The following RANBP17 variants were observed in gnomAD, a reference collection of about 807,000 sequenced individuals.
RANBP17 encodes the protein RAN binding protein 17, also known as ran-binding protein 17.
In RANBP17, 158 loss-of-function variants were observed where a neutral mutation model predicts 141.2. The ratio of observed to expected loss-of-function variants is 1.12; its 90% CI spans 0.98 to 1.28. The LOEUF is 1.28. RANBP17 is among the 50% of genes most tolerant of loss of function. The pLI is 0.00. For synonymous variants in RANBP17, 430 were observed against 450.0 expected (o/e 0.96, Z 0.56); for missense variants, 1,438 against 1,290.7 (o/e 1.11, Z -1.75).
chr5:171,059,188 TTTGCTTTTGTTGCCA>T lies in RANBP17; in HGVS notation c.1710+90821_1710+90835del, dbSNP rs1783627262. Among the ~76,000 whole-genome samples, 6 of 152,264 alleles carry T rather than the reference TTTGCTTTTGTTGCCA, an allele frequency of 3.9e-5. No individual in the cohort carries two copies. The South Asian group carries it at 1.2e-3, about 32-fold the overall frequency. ...TTTAATTAGATCCCATTTGTCAATT[TTTGCTTTTGTTGCCA>T]TTGCTTTTGGTGTTTTAGACATGAA... is the stretch of plus-strand genomic sequence containing the variant. On this transcript the variant is annotated intron_variant, in intron 14 of 27. Coordinates refer to ENST00000523189, the MANE Select transcript of RANBP17 (RefSeq NM_022897.5).
intron 25 of RANBP17, 21 bp downstream of exon 25, chr5:171,265,868 TG>T (rs747449165): frequency 2.5e-6 from 4 of 1,606,948 alleles, no homozygotes; most frequent in African/African-American, 1.3e-5. Flanking sequence ...GTTGATCACC[TG>T]GCTTAAGAAA....
At position 171,240,669 on chromosome 5, in the gene RANBP17, A is replaced by G. The variant is rs1317263902; in HGVS notation, c.2423-259A>G. ...TGAAATTTTACATATCTATGTATAC[A>G]TCTGTGTAATCACCATGCAGATAAA... On this transcript the variant is annotated intron_variant, in intron 22 of 27. Transcript: ENST00000523189. Among the ~76,000 whole-genome samples, 4 of 152,320 alleles carry G rather than the reference A, an allele frequency of 2.6e-5. No individual in the cohort carries two copies. The South Asian group carries it at 6.2e-4, about 24-fold the overall frequency.
chr5:171,051,487 A>G (rs1782948978), intron 14 of RANBP17, among the ~76,000 whole-genome samples: 1 of 152,160 alleles, frequency 6.6e-6, no homozygotes, highest in South Asian at 2.1e-4. Flanking sequence ...AAATCATACA[A>G]TATTTGAGCT....
At chr5:171,120,840 C>G (rs1426932208) in intron 14 of RANBP17, among the ~76,000 whole-genome samples, 1 of 152,132 alleles carries the variant, frequency 6.6e-6, no homozygotes, top group Non-Finnish European at 1.5e-5. Context: ...ATTGCCTCTT[C>G]CAATTTTATT....
chr5:171,158,811 G>A (rs1242556658), intron 14 of RANBP17, among the ~76,000 whole-genome samples: 1 of 152,108 alleles, frequency 6.6e-6, no homozygotes, highest in Non-Finnish European at 1.5e-5. Context: ...GCTATGGGCT[G>A]TCATACCACA....
At chr5:171,235,594 G>T (rs144694545) in intron 22 of RANBP17, among the ~76,000 whole-genome samples, 1 of 151,976 alleles carries the variant, frequency 6.6e-6, no homozygotes, top group East Asian at 1.9e-4. Context: ...AGAAATTGAT[G>T]TACACACACA....
chr5:170,926,262 A>T (rs1259913859), intron 12 of RANBP17, among the ~76,000 whole-genome samples: 3 of 152,222 alleles, frequency 2.0e-5, no homozygotes, highest in South Asian at 2.1e-4. Flanking sequence ...TTACAAAAAC[A>T]GGAGGCTGTC....
chr5:170,872,132 T>A (rs1767787303), intron 1 of RANBP17, among the ~76,000 whole-genome samples: 2 of 152,244 alleles, frequency 1.3e-5, no homozygotes, highest in Non-Finnish European at 2.9e-5. Context: ...TTAACAATAT[T>A]GATTCTCCTT....
chr5:171,094,932 G>A (rs1386874136), intron 14 of RANBP17, among the ~76,000 whole-genome samples: 1 of 152,106 alleles, frequency 6.6e-6, no homozygotes, highest in Non-Finnish European at 1.5e-5. Context: ...GTTAGGAGGT[G>A]GGATCTAATA....
In RANBP17 at chr5:171,199,699, A is replaced by AT; in HGVS notation, c.2069dup (p.Met690IlefsTer9). On this transcript the variant is annotated frameshift_variant, in exon 19 of 28. Transcript: ENST00000523189. LOFTEE classifies it high-confidence loss of function. ...AGATGAGGATGAATTTGAGAATTTC[A>AT]TGCTGCCTCTTACAGTTGCTTTTGA... 1 of 1,610,734 alleles carries AT rather than the reference A, an allele frequency of 6.2e-7. No homozygotes were observed.
At chr5:171,159,938 A>AAAAAAAAAAAAAAAAAAAT (rs1561716512) in intron 14 of RANBP17, among the ~76,000 whole-genome samples, 1 of 150,800 alleles carries the variant, frequency 6.6e-6, no homozygotes. Flanking sequence ...AAAAAAAAAA[A>AAAAAAAAAAAAAAAAAAAT]AAAGAAAAAA....
intron 14 of RANBP17, among the ~76,000 whole-genome samples, chr5:171,090,820 A>G (rs1431912430): frequency 6.6e-6 from 1 of 152,208 alleles, no homozygotes; most frequent in African/African-American, 2.4e-5. Context: ...GGCGACTTCC[A>G]CATAGTGTTG....
At chr5:170,974,670 A>G (rs957664301) in intron 14 of RANBP17, among the ~76,000 whole-genome samples, 1 of 152,050 alleles carries the variant, frequency 6.6e-6, no homozygotes, top group East Asian at 1.9e-4. Context: ...AGGCAGCTCT[A>G]TTTTTGGAAC....
intron 12 of RANBP17, among the ~76,000 whole-genome samples, chr5:170,947,504 G>T (rs1561919446): frequency 6.6e-6 from 1 of 152,110 alleles, no homozygotes; most frequent in Non-Finnish European, 1.5e-5. Context: ...GGAAATGCTG[G>T]GGGGGATTGT....
chr5:170,984,988 CACAT>C (rs1315379968), intron 14 of RANBP17, among the ~76,000 whole-genome samples: 3 of 151,808 alleles, frequency 2.0e-5, no homozygotes, highest in Admixed American at 1.3e-4. Context: ...CAAAGACACA[CACAT>C]ATACACAGAC....
intron 13 of RANBP17, among the ~76,000 whole-genome samples, chr5:170,953,922 G>A (rs1775403502): frequency 1.3e-5 from 2 of 152,130 alleles, no homozygotes; most frequent in South Asian, 2.1e-4. Context: ...ACATGTTTGT[G>A]CAAATAATGT....
intron 16 of RANBP17, 67 bp downstream of exon 16, chr5:171,171,353 G>A: frequency 1.2e-6 from 1 of 859,712 alleles, no homozygotes; most frequent in Non-Finnish European, 1.8e-6. Context: ...AATTAACCAG[G>A]TATTCTCCTT....
chr5:171,201,706 G>C (rs1433594027), intron 19 of RANBP17, among the ~76,000 whole-genome samples: 1 of 152,160 alleles, frequency 6.6e-6, no homozygotes, highest in African/African-American at 2.4e-5. Context: ...TGTCTAATTT[G>C]TATAAAGAAA....
At chr5:171,132,475 C>T (rs1223802668) in intron 14 of RANBP17, among the ~76,000 whole-genome samples, 2 of 151,360 alleles carry the variant, frequency 1.3e-5, no homozygotes, top group Non-Finnish European at 2.9e-5. Context: ...GTAATCCAAA[C>T]ACTTTGGGAG....
Sources: gnomAD v4.1 joint callset for allele counts (sites outside exome capture counted in the v4.1 genomes callset) on GRCh38, gnomAD v4.1.1 for gene constraint, MANE v1.5 for transcripts, NCBI Gene and HGNC (gene_info 2026-07-23, HGNC 2026-07-21) for gene names.